The following PIWIL1 variants were observed in gnomAD, a reference collection of about 807,000 sequenced individuals.
The protein encoded by PIWIL1 is piwi-like protein 1.
A neutral mutation model predicts 114.4 loss-of-function variants in PIWIL1; 73 were observed. The observed-to-expected ratio is 0.64, with a 90% CI of 0.53 to 0.78. The LOEUF (loss-of-function observed/expected upper bound fraction) is 0.78. Ranked by LOEUF, PIWIL1 falls within the 30% of genes least tolerant of loss-of-function variation. The probability of loss-of-function intolerance (pLI) is 0.00; values close to 1 mark genes in which losing one functional copy is unlikely to be tolerated. For missense variants in PIWIL1, 723 were observed against 1,063.1 expected, an observed-to-expected ratio of 0.68 and a Z score of 4.45; for synonymous variants, 375 against 369.0, an observed-to-expected ratio of 1.02 and a Z score of -0.19.
chr12:130,402,484 C>T, the PIWIL1 span, among the ~76,000 whole-genome samples: 1 of 152,200 alleles, frequency 6.6e-6, no homozygotes, highest in African/African-American at 2.4e-5. Context: ...AGCATGTTTC[C>T]CAGCCTCCTG....
At chr12:130,390,750 C>T in the PIWIL1 span, among the ~76,000 whole-genome samples, 2 of 152,220 alleles carry the variant, frequency 1.3e-5, no homozygotes, top group African/African-American at 4.8e-5. Flanking sequence ...TCCTCTTCCC[C>T]TCCCTCCCTT....
At chr12:130,346,825 T>G in intron 5 of PIWIL1, 116 bp from the exon 6 acceptor site, 5 of 1,326,054 alleles carry the variant, frequency 3.8e-6, no homozygotes, top group Non-Finnish European at 5.1e-6. Flanking sequence ...TTAAAAAAAA[T>G]CCAGTTAAAA....
At chr12:130,376,369 C>T (rs1426383837), downstream of PIWIL1, among the ~76,000 whole-genome samples, 1 of 152,206 alleles carries the variant, frequency 6.6e-6, no homozygotes, top group Non-Finnish European at 1.5e-5. Flanking sequence ...CTCTGGAAAA[C>T]ACTGTATATG....
intron 14 of PIWIL1, among the ~76,000 whole-genome samples, chr12:130,360,823 G>C (rs2073489484): frequency 6.6e-6 from 1 of 152,178 alleles, no homozygotes; most frequent in Non-Finnish European, 1.5e-5. Flanking sequence ...GATGAATCAT[G>C]AGTAAATTAA....
Position 130,361,164 on chromosome 12 carries a change from G to A in PIWIL1, c.1666-16G>A, listed in dbSNP as rs1332550251. ...CTGTCTCCTAATTCTTTGTAACAAG[G>A]GCACTTTGTTTTCAGGTTGTCTGTC... On this transcript the variant is annotated splice_polypyrimidine_tract_variant and intron_variant, in intron 14 of 20. Coordinates refer to ENST00000245255, the MANE Select transcript of PIWIL1 (RefSeq NM_004764.5). The A allele has an allele frequency of 4.3e-6, 7 of 1,613,186 alleles. No individual in the cohort carries two copies. In the Admixed American group the frequency reaches 1.0e-4, roughly 23 times the overall value.
chr12:130,425,508 C>G, the PIWIL1 span: 1 of 152,418 alleles, frequency 6.6e-6, no homozygotes, highest in Admixed American at 6.5e-5. Context: ...GACTGGGGTC[C>G]GCCTGTCTCC....
the PIWIL1 span, chr12:130,422,391 T>A: frequency 8.4e-7 from 1 of 1,186,796 alleles, no homozygotes; most frequent in African/African-American, 1.5e-5. This position sits in a 1 kb window ranked among gnomAD's most constrained non-coding sequence, Gnocchi z 5.2. Flanking sequence ...CATGCTTAGA[T>A]GGAGTAAGCA....
chr12:130,424,505 G>C, the PIWIL1 span: 2 of 1,232,036 alleles, frequency 1.6e-6, no homozygotes, highest in Admixed American at 8.4e-5. The surrounding 1 kb of genome is among the most constrained non-coding windows in gnomAD (Gnocchi z 9.8). Flanking sequence ...CACTCCCACA[G>C]TCCAGGCCGC....
chr12:130,388,058 C>T, the PIWIL1 span, among the ~76,000 whole-genome samples: 1 of 152,144 alleles, frequency 6.6e-6, no homozygotes, highest in Non-Finnish European at 1.5e-5. Flanking sequence ...CCCTTTTCTC[C>T]ATATGGAATG....
chr12:130,408,864 C>T, the PIWIL1 span, among the ~76,000 whole-genome samples: 4 of 152,218 alleles, frequency 2.6e-5, no homozygotes, highest in African/African-American at 9.6e-5. Context: ...CAGTGGTTTT[C>T]AGCAGGTACA....
At chr12:130,407,842 C>T in the PIWIL1 span, 1 of 1,608,846 alleles carries the variant, frequency 6.2e-7, no homozygotes, top group Non-Finnish European at 8.5e-7. Flanking sequence ...GTTCAGATCA[C>T]AAGGGGGAAA....
the PIWIL1 span, among the ~76,000 whole-genome samples, chr12:130,402,982 A>G: frequency 1.3e-5 from 2 of 152,176 alleles, no homozygotes; most frequent in African/African-American, 4.8e-5. Context: ...GAAATAGCAA[A>G]AGGAGGAAAA....
In PIWIL1 at chr12:130,357,054, A is replaced by G; in HGVS notation, c.1541A>G (p.Asn514Ser). The change falls in exon 13 of 21, where the codon AAT (asparagine) becomes AGT (serine). Residue 514 changes from asparagine (N) to serine (S), a missense_variant. This residue lies in a region of PIWIL1 where 298 missense variants were observed against 420.8 expected (regional missense o/e 0.71). Transcript: ENST00000245255. ...GAAGCAGCCAATTCATTGATACAAA[A>G]TCTATTTAAAGTTACACCAGCCATG... The part of the protein sequence containing the change: ...NYEAANSLIQ[N>S]LFKVTPAMGM... 3 of 1,613,780 alleles carry G rather than the reference A, an allele frequency of 1.9e-6. No homozygotes were observed. The highest frequency in any genetic ancestry group is 2.5e-6 in the Non-Finnish European group (3 of 1,179,844).
At chr12:130,422,373 G>A in the PIWIL1 span, 1 of 961,882 alleles carries the variant, frequency 1.0e-6, no homozygotes, top group Non-Finnish European at 1.6e-6. The surrounding 1 kb of genome is among the most constrained non-coding windows in gnomAD (Gnocchi z 5.2). Flanking sequence ...TACTCCTAAA[G>A]TTTTGTTCAT....
intron 4 of PIWIL1, 130 bp from the exon 5 acceptor site, chr12:130,346,240 A>T: frequency 1.5e-6 from 1 of 660,766 alleles, no homozygotes; most frequent in Non-Finnish European, 2.6e-6. Flanking sequence ...CAGATGTCTG[A>T]GGACTTTCAT....
At chr12:130,399,062 G>T in the PIWIL1 span, 1 of 1,012,494 alleles carries the variant, frequency 9.9e-7, no homozygotes, top group Non-Finnish European at 1.4e-6. Flanking sequence ...CACTGGCCCG[G>T]TTAAGGTAGC....
At chr12:130,414,047 CT>C in the PIWIL1 span, 1 of 1,450,040 alleles carries the variant, frequency 6.9e-7, no homozygotes, top group Non-Finnish European at 9.6e-7. Context: ...AGTCGATACC[CT>C]GTTGCCAGTC....
At chr12:130,424,864 G>A in the PIWIL1 span, 271 of 1,230,912 alleles carry the variant, frequency 2.2e-4, no homozygotes, top group African/African-American at 2.1e-3. The surrounding 1 kb of genome is among the most constrained non-coding windows in gnomAD (Gnocchi z 9.8). Flanking sequence ...CAGTCCTTAC[G>A]GGGTGGTGTG....
At chr12:130,352,274 AG>A (rs1372928810) in intron 9 of PIWIL1, among the ~76,000 whole-genome samples, 2 of 152,220 alleles carry the variant, frequency 1.3e-5, no homozygotes, top group Non-Finnish European at 2.9e-5. Context: ...AGAAGAAGGA[AG>A]GGTGTTTGGT....
Sources: gnomAD v4.1 joint callset for allele counts (sites outside exome capture counted in the v4.1 genomes callset) on GRCh38, gnomAD v4.1.1 for gene constraint, gnomAD v4.1.1 regional missense constraint, Gnocchi (gnomAD v3.1) non-coding constraint, MANE v1.5 for transcripts, NCBI Gene and HGNC (gene_info 2026-07-23, HGNC 2026-07-21) for gene names.